Variants in SH3KBP1 observed in about 807,000 individuals in gnomAD.
SH3KBP1 encodes the protein SH3 domain-containing kinase-binding protein 1.
SH3KBP1 carries 8 observed loss-of-function variants against 50.1 expected under a neutral mutation model. That is an observed-to-expected ratio of 0.16 (90% CI 0.09 to 0.29). The LOEUF (loss-of-function observed/expected upper bound fraction) is 0.29. Among genes scored for constraint, SH3KBP1 ranks in the 10% least tolerant of loss-of-function variants. The probability of loss-of-function intolerance (pLI) is 1.00; values close to 1 mark genes in which losing one functional copy is unlikely to be tolerated. For synonymous variants in SH3KBP1, 227 were observed against 218.6 expected, an observed-to-expected ratio of 1.04 and a Z score of -0.34; for missense variants, 377 against 535.2, an observed-to-expected ratio of 0.70 and a Z score of 2.92.
At chrX:19,881,596 C>T (rs1231478292) in intron 1 of SH3KBP1, among the ~76,000 whole-genome samples, 7 of 111,543 alleles carry the variant, frequency 6.3e-5, no homozygotes, top group Middle Eastern at 4.6e-3. Flanking sequence ...ACCAAACTGA[C>T]GAGGTTCCTG....
intron 1 of SH3KBP1, among the ~76,000 whole-genome samples, chrX:19,867,446 A>G (rs1435408340): frequency 8.9e-6 from 1 of 112,180 alleles, no homozygotes; most frequent in Non-Finnish European, 1.9e-5. Context: ...TAAATAACTC[A>G]TCCCCAATTG....
intron 2 of SH3KBP1, among the ~76,000 whole-genome samples, chrX:19,764,814 CTT>C (rs762356814): frequency 8.4e-5 from 8 of 95,234 alleles, no homozygotes; most frequent in Admixed American, 1.2e-4. Flanking sequence ...CGCTCCAACT[CTT>C]TTTTTTTTTT....
intron 5 of SH3KBP1, among the ~76,000 whole-genome samples, chrX:19,685,673 T>G (rs779769551): frequency 8.9e-6 from 1 of 112,063 alleles, no homozygotes; most frequent in East Asian, 2.8e-4. Flanking sequence ...GCTGGAGATA[T>G]AATTTTGGAG....
At chrX:19,820,410 C>T (rs1285106291) in intron 2 of SH3KBP1, among the ~76,000 whole-genome samples, 1 of 111,566 alleles carries the variant, frequency 9.0e-6, no homozygotes, top group Non-Finnish European at 1.9e-5. Context: ...ACATTTAGGA[C>T]TGCTACGTCT....
chrX:19,662,548 T>C (rs1836840033), intron 6 of SH3KBP1, among the ~76,000 whole-genome samples: 1 of 111,908 alleles, frequency 8.9e-6, no homozygotes, highest in Non-Finnish European at 1.9e-5. Context: ...AGTTCTCTAG[T>C]TCTTCATGAG....
At chrX:19,607,239 C>T (rs961803927) in intron 9 of SH3KBP1, among the ~76,000 whole-genome samples, 2 of 112,382 alleles carry the variant, frequency 1.8e-5, no homozygotes, top group African/African-American at 3.2e-5. Flanking sequence ...GCAGAGGCCA[C>T]GCAAAAGCCT....
intron 9 of SH3KBP1, among the ~76,000 whole-genome samples, chrX:19,597,208 A>G (rs1278526756): frequency 8.9e-6 from 1 of 112,238 alleles, no homozygotes; most frequent in Non-Finnish European, 1.9e-5. Context: ...AACGGCATTC[A>G]TCTTCTTATA....
intron 3 of SH3KBP1, among the ~76,000 whole-genome samples, chrX:19,741,995 G>A (rs1201957830): frequency 2.7e-5 from 3 of 112,015 alleles, no homozygotes; most frequent in African/African-American, 6.5e-5. Flanking sequence ...ATGGAACCTG[G>A]TCCTCACACG....
At chrX:19,866,605 G>A (rs774041585) in intron 1 of SH3KBP1, among the ~76,000 whole-genome samples, 5 of 108,283 alleles carry the variant, frequency 4.6e-5, no homozygotes, top group Admixed American at 2.0e-4. Flanking sequence ...CAGGAAGATC[G>A]CTTGAGCCCA....
intron 12 of SH3KBP1, among the ~76,000 whole-genome samples, chrX:19,574,068 T>G (rs932078772): frequency 9.0e-6 from 1 of 111,033 alleles, no homozygotes; most frequent in Non-Finnish European, 1.9e-5. Context: ...TCTGGGACAT[T>G]TCATCATCTC....
At chrX:19,826,032 CATT>C (rs1280574420) in intron 2 of SH3KBP1, among the ~76,000 whole-genome samples, 1 of 112,006 alleles carries the variant, frequency 8.9e-6, no homozygotes, top group East Asian at 2.8e-4. Context: ...AGAATGCAGC[CATT>C]ATTACTCCAT....
intron 2 of SH3KBP1, among the ~76,000 whole-genome samples, chrX:19,785,556 G>T (rs1364952062): frequency 2.7e-5 from 3 of 110,938 alleles, no homozygotes; most frequent in Non-Finnish European, 5.7e-5. Flanking sequence ...AAACTGCTCA[G>T]AATTATTCTC....
intron 1 of SH3KBP1, among the ~76,000 whole-genome samples, chrX:19,873,350 T>C (rs1454177486): frequency 2.9e-5 from 3 of 103,182 alleles, no homozygotes; most frequent in African/African-American, 1.1e-4. Flanking sequence ...AAAATACATG[T>C]ACATATAGCA....
intron 4 of SH3KBP1, among the ~76,000 whole-genome samples, chrX:19,697,514 T>A (rs957803752): frequency 1.8e-5 from 2 of 112,026 alleles, no homozygotes; most frequent in Non-Finnish European, 3.8e-5. Flanking sequence ...AAATCTTCAC[T>A]AGGGGCTGCG....
intron 3 of SH3KBP1, among the ~76,000 whole-genome samples, chrX:19,710,853 A>G (rs1347255776): frequency 3.6e-5 from 4 of 110,837 alleles, no homozygotes; most frequent in African/African-American, 1.3e-4. Context: ...ATGATAACTG[A>G]GACAGCACAC....
intron 1 of SH3KBP1, among the ~76,000 whole-genome samples, chrX:19,858,096 T>C (rs1420091754): frequency 9.0e-6 from 1 of 110,730 alleles, no homozygotes; most frequent in East Asian, 2.8e-4. Context: ...GGAGAATCAC[T>C]TGAACCCAGG....
intron 13 of SH3KBP1, among the ~76,000 whole-genome samples, chrX:19,565,806 T>C (rs1466683951): frequency 3.6e-5 from 4 of 111,943 alleles, no homozygotes; most frequent in Non-Finnish European, 7.5e-5. Flanking sequence ...AGGGTTGTAA[T>C]CAGCTACAGA....
intron 8 of SH3KBP1, among the ~76,000 whole-genome samples, chrX:19,628,133 GTT>G (rs2061497546): frequency 8.9e-6 from 1 of 112,196 alleles, no homozygotes; most frequent in Non-Finnish European, 1.9e-5. Context: ...TTTATGGCAT[GTT>G]TTCTTTCCAA....
chrX:19,654,650 T>C (rs2062226171), intron 6 of SH3KBP1, among the ~76,000 whole-genome samples: 1 of 112,352 alleles, frequency 8.9e-6, no homozygotes, highest in South Asian at 3.7e-4. Context: ...TAAAATGCTA[T>C]TTTCTGTTGT....
Sources: gnomAD v4.1 joint callset for allele counts (sites outside exome capture counted in the v4.1 genomes callset) on GRCh38, gnomAD v4.1.1 for gene constraint, MANE v1.5 for transcripts, NCBI Gene and HGNC (gene_info 2026-07-23, HGNC 2026-07-21) for gene names.